The following NSMCE2 variants were observed in gnomAD, a reference collection of about 807,000 sequenced individuals.
NSMCE2 encodes the protein E3 SUMO-protein ligase NSE2.
Under a neutral mutation model 23.8 loss-of-function variants are expected in NSMCE2, and 24 were observed. The ratio of observed to expected loss-of-function variants is 1.01; its 90% CI spans 0.73 to 1.42. NSMCE2 has a LOEUF of 1.42. Ranked by LOEUF, NSMCE2 falls within the 40% of genes most tolerant of loss-of-function variation. NSMCE2 has a pLI of 0.00. For synonymous variants in NSMCE2, 92 were observed against 94.1 expected (o/e 0.98, Z 0.13); for missense variants, 284 against 296.5 (o/e 0.96, Z 0.31).
chr8:125,277,696 A>G (rs1827521673), intron 5 of NSMCE2, among the ~76,000 whole-genome samples: 1 of 152,132 alleles, frequency 6.6e-6, no homozygotes. Flanking sequence ...TGTATTTTTT[A>G]GTAGCGACGG....
intron 4 of NSMCE2, among the ~76,000 whole-genome samples, chr8:125,166,540 T>G (rs1821886896): frequency 6.6e-6 from 1 of 152,242 alleles, no homozygotes; most frequent in Non-Finnish European, 1.5e-5. Context: ...GTGCTGGGAT[T>G]ACAGGTGTGA....
At chr8:125,314,605 A>G (rs1213884072) in intron 5 of NSMCE2, among the ~76,000 whole-genome samples, 1 of 152,212 alleles carries the variant, frequency 6.6e-6, no homozygotes, top group Non-Finnish European at 1.5e-5. Flanking sequence ...TTGCATTTTT[A>G]GACACTCGAT....
intron 5 of NSMCE2, among the ~76,000 whole-genome samples, chr8:125,300,605 A>G (rs1403528937): frequency 2.0e-5 from 3 of 152,206 alleles, no homozygotes; most frequent in South Asian, 2.1e-4. Flanking sequence ...TCGCTATGCC[A>G]TGGGGTACAA....
chr8:125,278,689 T>A (rs1171510462), intron 5 of NSMCE2, among the ~76,000 whole-genome samples: 1 of 152,188 alleles, frequency 6.6e-6, no homozygotes, highest in Non-Finnish European at 1.5e-5. Context: ...AGGGTCTTCT[T>A]TTTTCTTTCT....
intron 6 of NSMCE2, 100 bp from the exon 7 acceptor site, chr8:125,357,612 G>A: frequency 1.2e-6 from 1 of 842,004 alleles, no homozygotes; most frequent in Non-Finnish European, 2.0e-6. Flanking sequence ...AAAGCCATGA[G>A]AATGGGAAGT....
chr8:125,227,327 T>G (rs1825141943), intron 5 of NSMCE2, among the ~76,000 whole-genome samples: 1 of 152,126 alleles, frequency 6.6e-6, no homozygotes, highest in African/African-American at 2.4e-5. Flanking sequence ...GTCCTTCAGA[T>G]AGCAGTGAGA....
intron 5 of NSMCE2, among the ~76,000 whole-genome samples, chr8:125,231,646 A>G (rs983012998): frequency 2.0e-5 from 3 of 152,234 alleles, no homozygotes; most frequent in African/African-American, 7.2e-5. Context: ...TATCATGCAT[A>G]GGAAGAATAC....
chr8:125,309,190 A>G (rs979609702), intron 5 of NSMCE2, among the ~76,000 whole-genome samples: 5 of 150,896 alleles, frequency 3.3e-5, no homozygotes, highest in African/African-American at 4.9e-5. Context: ...AGAGGTTGCA[A>G]TGAGCCGAGA....
chr8:125,182,242 A>G lies in NSMCE2; in HGVS notation c.404A>G (p.Glu135Gly), dbSNP rs1822862231. 4 of 1,603,064 alleles carry G rather than the reference A, an allele frequency of 2.5e-6. No homozygotes were observed. The South Asian group carries it at 4.6e-5, about 18-fold the overall frequency. The change falls in exon 5 of 8, where the codon GAA (glutamate) becomes GGA (glycine). Residue 135 changes from glutamate to glycine, a missense_variant. By Grantham distance (98) the Glu-to-Gly change is moderately conservative (BLOSUM62 -2). Transcript: ENST00000287437. ...KFVQFKQQLK[E>G]LKKQCGLQAD... ...GTACAGTTTAAACAACAGCTGAAAG[A>G]ACTAAAGAAGCAATGTAAGTCAACA...
At chr8:125,128,082 A>T (rs1819597480) in intron 3 of NSMCE2, among the ~76,000 whole-genome samples, 1 of 152,198 alleles carries the variant, frequency 6.6e-6, no homozygotes, top group Admixed American at 6.6e-5. Context: ...AGACATGGCC[A>T]TTGTGCTTTG....
At chr8:125,286,251 T>C (rs962892052) in intron 5 of NSMCE2, among the ~76,000 whole-genome samples, 1 of 152,138 alleles carries the variant, frequency 6.6e-6, no homozygotes, top group Non-Finnish European at 1.5e-5. Flanking sequence ...CAAAAAATTA[T>C]CCAATGGTCC....
intron 5 of NSMCE2, among the ~76,000 whole-genome samples, chr8:125,200,512 T>A (rs1271339892): frequency 1.3e-5 from 2 of 152,214 alleles, no homozygotes; most frequent in Non-Finnish European, 2.9e-5. Context: ...CCCACTCTCT[T>A]CTGGCTTGTA....
chr8:125,332,131 A>C (rs1172083731), intron 5 of NSMCE2, among the ~76,000 whole-genome samples: 1 of 152,200 alleles, frequency 6.6e-6, no homozygotes, highest in Non-Finnish European at 1.5e-5. Context: ...TTGTACTCTA[A>C]ATTTTATTTA....
At chr8:125,181,027 G>T (rs1822778681) in intron 4 of NSMCE2, among the ~76,000 whole-genome samples, 1 of 152,182 alleles carries the variant, frequency 6.6e-6, no homozygotes, top group South Asian at 2.1e-4. Flanking sequence ...GGGCACAATA[G>T]AGAGTTTGGT....
chr8:125,128,131 G>C (rs1819599036), intron 3 of NSMCE2, among the ~76,000 whole-genome samples: 1 of 152,310 alleles, frequency 6.6e-6, no homozygotes, highest in East Asian at 1.9e-4. Context: ...CCAGACTAGT[G>C]GTAGTAGGCT....
At chr8:125,194,830 A>G (rs1299469634) in intron 5 of NSMCE2, among the ~76,000 whole-genome samples, 1 of 152,192 alleles carries the variant, frequency 6.6e-6, no homozygotes, top group Non-Finnish European at 1.5e-5. Context: ...TCTAATAAGT[A>G]TGTAGTGATA....
chr8:125,223,771 C>G (rs1824973609), intron 5 of NSMCE2, among the ~76,000 whole-genome samples: 1 of 127,514 alleles, frequency 7.8e-6, no homozygotes, highest in African/African-American at 2.9e-5. Context: ...ACTTATGTGT[C>G]TTTCTTTTGA....
intron 5 of NSMCE2, among the ~76,000 whole-genome samples, chr8:125,242,331 A>G (rs1825795193): frequency 1.3e-5 from 2 of 152,088 alleles, no homozygotes; most frequent in South Asian, 4.2e-4. Flanking sequence ...GCAGCAACAG[A>G]CAGCTGAAGG....
rs562707867 is a variant in NSMCE2 at position 125,304,761 on chromosome 8, G to A, written c.419-52458G>A. ...AATCCCAGCTGCTTGGGAGACTGAG[G>A]CATCAAGTCTCATCACTGATTCTCA... On this transcript the variant is annotated intron_variant, in intron 5 of 7. Transcript: ENST00000287437. Among the ~76,000 whole-genome samples the A allele has an allele frequency of 1.4e-4, 22 of 151,906 alleles. No homozygotes were observed. The South Asian group carries it at 1.5e-3, about 10-fold the overall frequency.
Sources: gnomAD v4.1 joint callset for allele counts (sites outside exome capture counted in the v4.1 genomes callset) on GRCh38, gnomAD v4.1.1 for gene constraint, MANE v1.5 for transcripts, NCBI Gene and HGNC (gene_info 2026-07-23, HGNC 2026-07-21) for gene names.